Variants in TNNI3K observed in about 807,000 individuals in gnomAD.
TNNI3K encodes the protein TNNI3 interacting kinase.
A neutral mutation model predicts 114.5 loss-of-function variants in TNNI3K; 140 were observed. The observed-to-expected ratio is 1.22, with a 90% confidence interval of 1.07 to 1.41. The LOEUF (loss-of-function observed/expected upper bound fraction) is 1.41. Ranked by LOEUF, TNNI3K falls within the 40% of genes most tolerant of loss-of-function variation. The pLI, the probability that TNNI3K is intolerant of heterozygous loss-of-function variation, is 0.00. For synonymous variants in TNNI3K, 347 were observed against 347.5 expected (o/e 1.00, Z 0.02); for missense variants, 1,125 against 1,007.6 (o/e 1.12, Z -1.58).
intron 17 of TNNI3K, chr1:74,376,458 A>G (rs1662909064): frequency 6.6e-6 from 1 of 151,998 alleles, no homozygotes; most frequent in Admixed American, 6.6e-5. Flanking sequence ...GAGACTTCTG[A>G]AGACCTATAT....
At chr1:74,378,859 C>T (rs1048765081) in intron 17 of TNNI3K, 2 of 150,818 alleles carry the variant, frequency 1.3e-5, no homozygotes, top group Admixed American at 6.6e-5. Context: ...TACATTGACC[C>T]TATGTATACT....
intron 17 of TNNI3K, among the ~76,000 whole-genome samples, chr1:74,408,689 T>C (rs930668725): frequency 1.3e-5 from 2 of 152,208 alleles, no homozygotes; most frequent in Non-Finnish European, 2.9e-5. Flanking sequence ...GTCATAGGCC[T>C]AGAAAGTTAA....
chr1:74,276,546 T>C (rs930152585), intron 5 of TNNI3K, among the ~76,000 whole-genome samples: 2 of 152,092 alleles, frequency 1.3e-5, no homozygotes, highest in African/African-American at 4.8e-5. Flanking sequence ...ATCGAGTATT[T>C]CCTTACTATG....
intron 7 of TNNI3K, among the ~76,000 whole-genome samples, chr1:74,341,019 T>TA (rs1396531120): frequency 6.6e-6 from 1 of 152,164 alleles, no homozygotes; most frequent in Non-Finnish European, 1.5e-5. Context: ...TGCAGAACAA[T>TA]AAAATGAGGA....
intron 23 of TNNI3K, among the ~76,000 whole-genome samples, chr1:74,513,875 G>A (rs1430355043): frequency 1.3e-5 from 2 of 152,184 alleles, no homozygotes; most frequent in Non-Finnish European, 2.9e-5. Flanking sequence ...ATTTCAAGAA[G>A]CCACAACCGC....
At chr1:74,391,106 T>C (rs1371400044) in intron 17 of TNNI3K, among the ~76,000 whole-genome samples, 1 of 152,280 alleles carries the variant, frequency 6.6e-6, no homozygotes, top group South Asian at 2.1e-4. Flanking sequence ...TTGAATATGA[T>C]AATACACCAT....
intron 23 of TNNI3K, among the ~76,000 whole-genome samples, chr1:74,527,806 G>C (rs1646522722): frequency 6.6e-6 from 1 of 152,186 alleles, no homozygotes; most frequent in Non-Finnish European, 1.5e-5. Context: ...CATTGGACAG[G>C]GCTGAGTAAG....
chr1:74,483,182 CA>C lies in TNNI3K; in HGVS notation c.2122-6006del, dbSNP rs546398661. 2.6e-4 allele frequency: 180 copies of C among 687,910 alleles called. 3 individuals carry two copies. In the South Asian group the frequency reaches 2.7e-3, roughly 10 times the overall value. The allele number at this position is 687,910 out of a possible 1,614,324, so 42.6% of individuals were successfully genotyped here. ...TACCTCTTAAGCTGAGCCCAGAGAA[CA>C]GTCAGTACAATGAAAGGTATGGCAA... On this transcript the variant is annotated intron_variant, in intron 21 of 24. Coordinates refer to ENST00000326637, the MANE Select transcript of TNNI3K (RefSeq NM_015978.3).
chr1:74,399,055 C>G (rs1664225793), intron 17 of TNNI3K, among the ~76,000 whole-genome samples: 1 of 148,844 alleles, frequency 6.7e-6, no homozygotes, highest in African/African-American at 2.5e-5. Flanking sequence ...ACTCAGGAGT[C>G]TTAGGCAGGA....
At chr1:74,477,991 C>T (rs1668290434) in intron 21 of TNNI3K, among the ~76,000 whole-genome samples, 1 of 152,064 alleles carries the variant, frequency 6.6e-6, no homozygotes, top group Admixed American at 6.6e-5. Context: ...GTGTTTGATG[C>T]CAAATAACCA....
intron 17 of TNNI3K, among the ~76,000 whole-genome samples, chr1:74,384,773 T>G (rs1205510934): frequency 6.6e-6 from 1 of 152,170 alleles, no homozygotes; most frequent in Non-Finnish European, 1.5e-5. Context: ...CTGAACTTGT[T>G]AAATTTTTAT....
At chr1:74,235,523 G>C (rs968155258) in intron 1 of TNNI3K, 32 bp downstream of exon 1, 1 of 1,181,364 alleles carries the variant, frequency 8.5e-7, no homozygotes, top group Non-Finnish European at 1.2e-6. Context: ...ATTTCCTTAA[G>C]TGTAATATGG....
intron 23 of TNNI3K, among the ~76,000 whole-genome samples, chr1:74,538,281 G>T (rs17095544): frequency 6.6e-6 from 1 of 152,070 alleles, no homozygotes; most frequent in African/African-American, 2.4e-5. Flanking sequence ...TTGGTATATC[G>T]GCTTGGGGAA....
intron 17 of TNNI3K, chr1:74,418,069 T>C: frequency 2.6e-6 from 1 of 382,264 alleles, no homozygotes; most frequent in Non-Finnish European, 5.1e-6. Context: ...ATCTGACTCT[T>C]ACATTCAAGC....
intron 5 of TNNI3K, among the ~76,000 whole-genome samples, chr1:74,275,429 C>G (rs1309944040): frequency 6.6e-6 from 1 of 152,086 alleles, no homozygotes; most frequent in East Asian, 1.9e-4. Context: ...CCCACTTTGT[C>G]CCTCCCACAA....
intron 17 of TNNI3K, among the ~76,000 whole-genome samples, chr1:74,435,132 A>G (rs1370174985): frequency 1.3e-5 from 2 of 152,076 alleles, no homozygotes; most frequent in South Asian, 2.1e-4. Context: ...CATCAAAGAC[A>G]TATGGTAAGA....
At chr1:74,238,844 G>C (rs1032616476) in intron 2 of TNNI3K, among the ~76,000 whole-genome samples, 2 of 152,010 alleles carry the variant, frequency 1.3e-5, no homozygotes, top group African/African-American at 4.8e-5. Flanking sequence ...GCAAGAACTA[G>C]GGGCCTCTTA....
intron 11 of TNNI3K, among the ~76,000 whole-genome samples, chr1:74,362,248 T>C (rs1662007074): frequency 6.6e-6 from 1 of 152,138 alleles, no homozygotes; most frequent in South Asian, 2.1e-4. Context: ...ATTAAAATAT[T>C]GAACAAAGCC....
intron 17 of TNNI3K, among the ~76,000 whole-genome samples, chr1:74,392,042 T>G (rs1663813565): frequency 7.0e-6 from 1 of 143,732 alleles, no homozygotes; most frequent in Non-Finnish European, 1.5e-5. Context: ...CTTGGCTCAC[T>G]GCAAGCTCCG....
Sources: allele counts gnomAD v4.1 joint callset (sites outside exome capture counted in the v4.1 genomes callset), GRCh38; gene constraint gnomAD v4.1.1; transcripts MANE v1.5; gene names NCBI Gene and HGNC (gene_info 2026-07-23, HGNC 2026-07-21).